AK5: variants seen among roughly 807,000 people sequenced by gnomAD.
AK5 encodes adenylate kinase 5.
AK5 carries 27 observed loss-of-function variants against 69.5 expected under a neutral mutation model. The observed-to-expected ratio is 0.39, with a 90% CI of 0.29 to 0.54. The LOEUF (loss-of-function observed/expected upper bound fraction) is 0.54. Ranked by LOEUF, AK5 falls within the 20% of genes least tolerant of loss-of-function variation. AK5 has a pLI of 0.71. For synonymous variants in AK5, 260 were observed against 244.4 expected (o/e 1.06, Z -0.60); for missense variants, 531 against 700.4 (o/e 0.76, Z 2.73).
chr1:77,533,993 C>T (rs2100352678), intron 12 of AK5, among the ~76,000 whole-genome samples: 1 of 151,996 alleles, frequency 6.6e-6, no homozygotes, highest in East Asian at 1.9e-4. Context: ...AGTCGCATGA[C>T]CTATTCCAGA....
At position 77,282,700 on chromosome 1, in the gene AK5, T is replaced by G. The variant is rs527464202; in HGVS notation, c.60+327T>G. 60 of 1,097,500 alleles carry G rather than the reference T, an allele frequency of 5.5e-5. 1 individual carries two copies. In the South Asian group the frequency reaches 1.9e-3, roughly 35 times the overall value. 68.0% of individuals were successfully genotyped at this position (1,097,500 alleles called of 1,614,324 possible). A position where few individuals can be genotyped will look rare whatever the true frequency, so the allele number is the denominator to read the frequency against. Reference sequence around the variant, plus strand: ...CAGACCGCGGCCGGGCCGCACTCTCTGGGGGCGAGGGCCAGGTCAGGTGGC... The same window carrying G: ...CAGACCGCGGCCGGGCCGCACTCTCGGGGGGCGAGGGCCAGGTCAGGTGGC... On this transcript the variant is annotated intron_variant, in intron 1 of 13. Coordinates refer to ENST00000354567, the MANE Select transcript of AK5 (RefSeq NM_174858.3).
At chr1:77,445,312 T>C (rs1652678809) in intron 8 of AK5, among the ~76,000 whole-genome samples, 1 of 152,184 alleles carries the variant, frequency 6.6e-6, no homozygotes, top group Non-Finnish European at 1.5e-5. Flanking sequence ...TGTCTGATAG[T>C]AGCAATCCTA....
intron 6 of AK5, among the ~76,000 whole-genome samples, chr1:77,382,512 G>A (rs1176778836): frequency 1.3e-5 from 2 of 151,984 alleles, no homozygotes; most frequent in Non-Finnish European, 2.9e-5. Context: ...CATCATGCCT[G>A]GCTAATTTTT....
chr1:77,423,809 G>A (rs1651010755), intron 8 of AK5, among the ~76,000 whole-genome samples: 1 of 150,310 alleles, frequency 6.7e-6, no homozygotes, highest in Admixed American at 6.7e-5. Flanking sequence ...ATTCCCCTCA[G>A]TCTTCTGGCC....
intron 8 of AK5, among the ~76,000 whole-genome samples, 194 bp from the exon 9 acceptor site, chr1:77,483,123 C>T (rs946579061): frequency 6.7e-6 from 1 of 149,326 alleles, no homozygotes; most frequent in African/African-American, 2.5e-5. Flanking sequence ...CTGTCCCTCA[C>T]TACCCTGTCA....
chr1:77,324,034 C>T (rs1440184480), intron 5 of AK5, among the ~76,000 whole-genome samples: 1 of 152,190 alleles, frequency 6.6e-6, no homozygotes, highest in Non-Finnish European at 1.5e-5. Context: ...CTGCAGCCAA[C>T]AGAGACTCAA....
At chr1:77,367,579 AATATATATG>A (rs1646984350) in intron 6 of AK5, among the ~76,000 whole-genome samples, 2 of 53,364 alleles carry the variant, frequency 3.7e-5, no homozygotes, top group Non-Finnish European at 6.1e-5. Context: ...ATATATATAT[AATATATATG>A]TTATATATGT....
intron 8 of AK5, among the ~76,000 whole-genome samples, chr1:77,426,746 A>G (rs573778803): frequency 6.6e-6 from 1 of 152,322 alleles, no homozygotes; most frequent in African/African-American, 2.4e-5. Context: ...GTCATAAAAC[A>G]TACCTTAACA....
At chr1:77,415,053 A>G (rs191575607) in intron 7 of AK5, among the ~76,000 whole-genome samples, 1 of 152,304 alleles carries the variant, frequency 6.6e-6, no homozygotes, top group East Asian at 1.9e-4. Flanking sequence ...TAATGATACA[A>G]TATAATTCCT....
intron 8 of AK5, among the ~76,000 whole-genome samples, chr1:77,430,647 T>C (rs1651575772): frequency 6.6e-6 from 1 of 151,954 alleles, no homozygotes; most frequent in Non-Finnish European, 1.5e-5. Context: ...ACCGAGGAAA[T>C]TTAAAGTCTT....
chr1:77,436,624 A>G (rs957751920), intron 8 of AK5, among the ~76,000 whole-genome samples: 2 of 151,798 alleles, frequency 1.3e-5, no homozygotes, highest in African/African-American at 4.8e-5. Flanking sequence ...AGTATCTGTT[A>G]CTTAATTTAA....
At chr1:77,393,981 G>C (rs111336761) in intron 6 of AK5, among the ~76,000 whole-genome samples, 1 of 152,094 alleles carries the variant, frequency 6.6e-6, no homozygotes, top group African/African-American at 2.4e-5. Context: ...TTGGGAGGTT[G>C]AGGTGGGCCT....
chr1:77,475,447 TATATATACAA>T (rs1472216632), intron 8 of AK5, among the ~76,000 whole-genome samples: 4 of 11,044 alleles, frequency 3.6e-4, no homozygotes, highest in Non-Finnish European at 5.6e-4. Context: ...ATATATATTA[TATATATACAA>T]ATATATATTA....
At chr1:77,427,152 TA>T (rs1391353306) in intron 8 of AK5, among the ~76,000 whole-genome samples, 1 of 151,488 alleles carries the variant, frequency 6.6e-6, no homozygotes, top group African/African-American at 2.4e-5. Context: ...TAATAAAAAT[TA>T]AAGCAGAAAT....
chr1:77,433,774 G>A (rs1053852219), intron 8 of AK5, among the ~76,000 whole-genome samples: 1 of 151,304 alleles, frequency 6.6e-6, no homozygotes, highest in African/African-American at 2.4e-5. Flanking sequence ...CAAATAAATA[G>A]GCTATAAAAT....
chr1:77,438,330 T>A (rs1244102727), intron 8 of AK5, among the ~76,000 whole-genome samples: 4 of 125,032 alleles, frequency 3.2e-5, no homozygotes, highest in Admixed American at 8.3e-5. Context: ...AAAAACAAGC[T>A]TGGGGAGTTC....
chr1:77,524,479 T>G (rs1199822831), intron 12 of AK5, among the ~76,000 whole-genome samples: 1 of 152,230 alleles, frequency 6.6e-6, no homozygotes, highest in Non-Finnish European at 1.5e-5. Context: ...GTTTTTTTGA[T>G]AGTGGCCATC....
intron 6 of AK5, among the ~76,000 whole-genome samples, chr1:77,361,982 C>T (rs1304101675): frequency 6.6e-6 from 1 of 152,112 alleles, no homozygotes; most frequent in Non-Finnish European, 1.5e-5. Flanking sequence ...AGGTAACTTA[C>T]CATGACTGTG....
chr1:77,359,232 C>T (rs1342986438), intron 6 of AK5, among the ~76,000 whole-genome samples: 3 of 147,700 alleles, frequency 2.0e-5, no homozygotes, highest in Non-Finnish European at 4.5e-5. Flanking sequence ...TCCAGCCTGG[C>T]GACAGAGCGA....
Sources: gnomAD v4.1 joint callset for allele counts (sites outside exome capture counted in the v4.1 genomes callset) on GRCh38, gnomAD v4.1.1 for gene constraint, MANE v1.5 for transcripts, NCBI Gene and HGNC (gene_info 2026-07-23, HGNC 2026-07-21) for gene names.